CDKN2B-AS1: variants seen among roughly 807,000 people sequenced by gnomAD.
CDKN2B-AS1 encodes CDKN2B and CDKN2A antisense cis and trans regulatory RNA 1, also known as CDKN2B antisense RNA 1 (non-protein coding).
intron 1 of CDKN2B-AS1, chr9:22,004,689 G>A: frequency 4.3e-6 from 1 of 232,766 alleles, no homozygotes; most frequent in Non-Finnish European, 8.5e-6. Context: ...GTGATAGTAG[G>A]ACATCCCACG....
chr9:22,009,057 T>TAGGAAGGAGAGAG, intron 1 of CDKN2B-AS1: 1 of 1,538,516 alleles, frequency 6.5e-7, no homozygotes, highest in Non-Finnish European at 9.0e-7. Context: ...CACTCTCTCC[T>TAGGAAGGAGAGAG]TCCTAGGAGA....
At chr9:22,081,332 T>C (rs1824687847) in intron 4 of CDKN2B-AS1, among the ~76,000 whole-genome samples, 1 of 151,782 alleles carries the variant, frequency 6.6e-6, no homozygotes, top group East Asian at 1.9e-4. Context: ...TTGAGTATTT[T>C]GAATTAACTC....
chr9:22,105,441 T>C (rs1825624873), intron 4 of CDKN2B-AS1, among the ~76,000 whole-genome samples: 1 of 152,222 alleles, frequency 6.6e-6, no homozygotes, highest in South Asian at 2.1e-4. Context: ...ACTGCATGAT[T>C]GCATGAAGCG....
At chr9:22,037,451 G>A (rs746295258) in intron 1 of CDKN2B-AS1, among the ~76,000 whole-genome samples, 8 of 151,612 alleles carry the variant, frequency 5.3e-5, no homozygotes, top group African/African-American at 1.9e-4. Flanking sequence ...TCGGCTTCTA[G>A]TTTCCACAAG....
intron 1 of CDKN2B-AS1, among the ~76,000 whole-genome samples, chr9:22,016,089 C>G (rs1197020834): frequency 3.3e-5 from 5 of 152,096 alleles, no homozygotes; most frequent in East Asian, 3.8e-4. Context: ...TGCAGAAGCT[C>G]TTTAGTTTAA....
chr9:22,108,723 C>A (rs1432654041), intron 4 of CDKN2B-AS1, among the ~76,000 whole-genome samples: 1 of 152,118 alleles, frequency 6.6e-6, no homozygotes, highest in African/African-American at 2.4e-5. Flanking sequence ...TTTAATTGTC[C>A]ATTTCCAATG....
intron 4 of CDKN2B-AS1, among the ~76,000 whole-genome samples, chr9:22,079,185 T>C (rs958583219): frequency 7.2e-5 from 11 of 152,112 alleles, no homozygotes; most frequent in African/African-American, 2.7e-4. Flanking sequence ...CTGGAAAGGA[T>C]AGAAAGGCTG....
intron 4 of CDKN2B-AS1, among the ~76,000 whole-genome samples, chr9:22,063,254 C>T (rs917827205): frequency 2.0e-5 from 3 of 151,964 alleles, no homozygotes; most frequent in African/African-American, 7.3e-5. Context: ...ATTTAGTGTC[C>T]TCATAGAGGG....
At chr9:22,008,799 T>A in intron 1 of CDKN2B-AS1, 1 of 1,605,368 alleles carries the variant, frequency 6.2e-7, no homozygotes, top group African/African-American at 1.3e-5. Flanking sequence ...CCCAGCTACC[T>A]GGATCGCGCG....
intron 1 of CDKN2B-AS1, chr9:22,004,374 T>C: frequency 4.3e-6 from 1 of 232,202 alleles, no homozygotes. Context: ...AGAAGCATAA[T>C]ACATGTATAC....
intron 4 of CDKN2B-AS1, among the ~76,000 whole-genome samples, chr9:22,058,145 G>T (rs1447406478): frequency 6.6e-6 from 1 of 152,140 alleles, no homozygotes; most frequent in Non-Finnish European, 1.5e-5. Context: ...AGTGAGCCGA[G>T]ATTGCGCCAT....
intron 2 of CDKN2B-AS1, among the ~76,000 whole-genome samples, chr9:22,047,688 A>G (rs915878398): frequency 1.3e-5 from 2 of 152,208 alleles, no homozygotes; most frequent in South Asian, 2.1e-4. Context: ...TACAAAGACT[A>G]TAGAACCAAA....
chr9:22,042,616 C>T (rs1822942787), intron 1 of CDKN2B-AS1, among the ~76,000 whole-genome samples: 3 of 152,218 alleles, frequency 2.0e-5, no homozygotes, highest in South Asian at 2.1e-4. Context: ...CCAATGGAAG[C>T]ACCAGTCCAG....
chr9:22,028,240 G>T (rs1375219876), intron 1 of CDKN2B-AS1, among the ~76,000 whole-genome samples: 1 of 151,848 alleles, frequency 6.6e-6, no homozygotes, highest in East Asian at 1.9e-4. Context: ...AATATTTTTT[G>T]TTATATGAGT....
At chr9:22,098,619 C>T (rs1363875261) in intron 4 of CDKN2B-AS1, among the ~76,000 whole-genome samples, 2 of 152,168 alleles carry the variant, frequency 1.3e-5, no homozygotes, top group Non-Finnish European at 2.9e-5. Context: ...CTGTTTGGAA[C>T]ACCAACTCTG....
At chr9:22,054,514 T>A (rs2131287317) in intron 3 of CDKN2B-AS1, among the ~76,000 whole-genome samples, 1 of 152,212 alleles carries the variant, frequency 6.6e-6, no homozygotes, top group South Asian at 2.1e-4. Context: ...ATTTCAGTCA[T>A]TATTTAAGAG....
intron 4 of CDKN2B-AS1, among the ~76,000 whole-genome samples, chr9:22,057,139 A>G (rs1823605855): frequency 6.6e-6 from 1 of 152,160 alleles, no homozygotes; most frequent in African/African-American, 2.4e-5. Flanking sequence ...ATTTTGATAA[A>G]AATAAATATT....
At chr9:22,120,638 T>A (rs982978143) in intron 4 of CDKN2B-AS1, 4 of 152,128 alleles carry the variant, frequency 2.6e-5, no homozygotes, top group African/African-American at 9.7e-5. Flanking sequence ...GTTTCAAAAA[T>A]ATTAAAAAGT....
chr9:22,026,515 G>A (rs117925656), intron 1 of CDKN2B-AS1, among the ~76,000 whole-genome samples: 1 of 152,348 alleles, frequency 6.6e-6, no homozygotes, highest in East Asian at 1.9e-4. Context: ...CTCCTCCTGG[G>A]AGCTTTGTAC....
Sources: allele counts gnomAD v4.1 joint callset (sites outside exome capture counted in the v4.1 genomes callset), GRCh38; gene constraint gnomAD v4.1.1; transcripts MANE v1.5; gene names NCBI Gene and HGNC (gene_info 2026-07-23, HGNC 2026-07-21).